The following KCNAB1 variants were observed in gnomAD, a reference collection of about 807,000 sequenced individuals.
KCNAB1 encodes the protein voltage-gated potassium channel subunit beta-1.
In KCNAB1, 35 loss-of-function variants were observed where a neutral mutation model predicts 64.6. The ratio of observed to expected loss-of-function variants is 0.54; its 90% CI spans 0.41 to 0.72. KCNAB1 has a LOEUF of 0.72. Among genes scored for constraint, KCNAB1 ranks in the 30% least tolerant of loss-of-function variants. KCNAB1 has a pLI of 0.00. For synonymous variants in KCNAB1, 177 were observed against 183.8 expected, an observed-to-expected ratio of 0.96 and a Z score of 0.30; for missense variants, 401 against 512.9, an observed-to-expected ratio of 0.78 and a Z score of 2.11.
chr3:156,435,984 T>G (rs1231899342), intron 2 of KCNAB1, among the ~76,000 whole-genome samples: 2 of 152,162 alleles, frequency 1.3e-5, no homozygotes, highest in Non-Finnish European at 2.9e-5. Flanking sequence ...TACATGCCTG[T>G]CCTGGTGGTT....
At chr3:156,312,905 A>C (rs1407227302) in intron 1 of KCNAB1, among the ~76,000 whole-genome samples, 3 of 152,086 alleles carry the variant, frequency 2.0e-5, no homozygotes, top group Non-Finnish European at 4.4e-5. Flanking sequence ...CTCTTCTGAC[A>C]GAAATGGCCA....
intron 1 of KCNAB1, among the ~76,000 whole-genome samples, chr3:156,147,186 G>A (rs556201910): frequency 5.1e-4 from 78 of 152,262 alleles, no homozygotes; most frequent in African/African-American, 1.9e-3. Flanking sequence ...ATTAAATTGT[G>A]AAGAGGGAAA....
At chr3:156,147,908 A>T (rs1220119321) in intron 1 of KCNAB1, among the ~76,000 whole-genome samples, 2 of 146,676 alleles carry the variant, frequency 1.4e-5, no homozygotes, top group African/African-American at 5.0e-5. Flanking sequence ...ATTTATTCCC[A>T]GCTCCCCAAC....
chr3:156,437,138 T>G (rs1451308343), intron 2 of KCNAB1, among the ~76,000 whole-genome samples: 1 of 152,210 alleles, frequency 6.6e-6, no homozygotes, highest in East Asian at 1.9e-4. Flanking sequence ...GCATGCAATT[T>G]ATATAAGCAG....
chr3:156,214,524 C>T (rs1229111420), intron 1 of KCNAB1, among the ~76,000 whole-genome samples: 1 of 152,112 alleles, frequency 6.6e-6, no homozygotes. Context: ...TGGAAAGACT[C>T]ATAAAAAATC....
chr3:156,350,925 G>A (rs554212690), intron 1 of KCNAB1, among the ~76,000 whole-genome samples: 35 of 152,384 alleles, frequency 2.3e-4, no homozygotes, highest in African/African-American at 8.4e-4. Context: ...TGCAGGGAGT[G>A]TGAGAGCAGG....
chr3:156,247,568 T>C (rs1560156719), intron 1 of KCNAB1, among the ~76,000 whole-genome samples: 1 of 152,268 alleles, frequency 6.6e-6, no homozygotes, highest in East Asian at 1.9e-4. Flanking sequence ...AGTATTTTTT[T>C]GCGGGGGAGA....
chr3:156,220,228 T>C (rs1715624388), intron 1 of KCNAB1, among the ~76,000 whole-genome samples: 1 of 152,224 alleles, frequency 6.6e-6, no homozygotes, highest in Non-Finnish European at 1.5e-5. Context: ...TTTGGGTATA[T>C]GCACAGTAAT....
At chr3:156,501,723 C>T (rs1373159130) in intron 8 of KCNAB1, among the ~76,000 whole-genome samples, 3 of 152,080 alleles carry the variant, frequency 2.0e-5, no homozygotes, top group African/African-American at 4.8e-5. Context: ...TGAGCCACTG[C>T]GCCCGGCCTG....
At chr3:156,354,079 A>G (rs371950982) in intron 1 of KCNAB1, among the ~76,000 whole-genome samples, 1,915 of 129,272 alleles carry the variant, frequency 0.015, 17 homozygotes, top group South Asian at 0.03. Context: ...GTGTGTATAT[A>G]TGTGTGTATA....
chr3:156,235,500 G>A (rs1186186678), intron 1 of KCNAB1, among the ~76,000 whole-genome samples: 5 of 152,098 alleles, frequency 3.3e-5, no homozygotes, highest in African/African-American at 1.2e-4. Flanking sequence ...GCTTCCCTGG[G>A]TGACAGTGTT....
chr3:156,371,338 A>G (rs537899589), intron 1 of KCNAB1, among the ~76,000 whole-genome samples: 12 of 152,260 alleles, frequency 7.9e-5, no homozygotes, highest in African/African-American at 2.9e-4. Flanking sequence ...TATGTGAAAA[A>G]GAAGCTACCA....
intron 1 of KCNAB1, among the ~76,000 whole-genome samples, chr3:156,239,774 A>T (rs9818040): frequency 0.74 from 112,096 of 152,094 alleles, 41,556 homozygotes; most frequent in East Asian, 0.9. Context: ...GTCCTTGGGA[A>T]AGGATGTAAG....
chr3:156,408,171 C>CA (rs368818109), intron 1 of KCNAB1, among the ~76,000 whole-genome samples: 17 of 152,088 alleles, frequency 1.1e-4, no homozygotes, highest in African/African-American at 4.1e-4. Context: ...TCTAGGCCTC[C>CA]AAAAATGGCC....
intron 12 of KCNAB1, among the ~76,000 whole-genome samples, chr3:156,531,098 A>T (rs1316538380): frequency 6.6e-6 from 1 of 152,186 alleles, no homozygotes; most frequent in Non-Finnish European, 1.5e-5. Context: ...AGCAAGAAAG[A>T]CAGCAGTGCA....
chr3:156,222,904 T>A (rs1326419578), intron 1 of KCNAB1, among the ~76,000 whole-genome samples: 1 of 152,160 alleles, frequency 6.6e-6, no homozygotes, highest in African/African-American at 2.4e-5. Context: ...ACAAAACCTA[T>A]CAAAACCTCT....
At position 156,377,026 on chromosome 3, in the gene KCNAB1, G is replaced by A. The variant is rs1255016825; in HGVS notation, c.276-44590G>A. ...ATTAACCATTGGTTTTCAGAATGAA[G>A]CAATTCACTTAAAATAAGGCAAGTT... On this transcript the variant is annotated intron_variant, in intron 1 of 13. Coordinates refer to ENST00000490337, the MANE Select transcript of KCNAB1 (RefSeq NM_172160.3). Among the ~76,000 whole-genome samples, 4 of 152,122 alleles carry A rather than the reference G, an allele frequency of 2.6e-5. No individual in the cohort carries two copies. In the East Asian group the frequency reaches 7.7e-4, roughly 29 times the overall value.
chr3:156,191,362 A>T (rs1713549482), intron 1 of KCNAB1, among the ~76,000 whole-genome samples: 1 of 152,260 alleles, frequency 6.6e-6, no homozygotes, highest in African/African-American at 2.4e-5. Flanking sequence ...TTTGCTTTAC[A>T]GAACATTAGC....
intron 1 of KCNAB1, among the ~76,000 whole-genome samples, chr3:156,341,795 AAATAAT>A (rs1188817657): frequency 6.6e-6 from 1 of 152,220 alleles, no homozygotes; most frequent in East Asian, 1.9e-4. Context: ...TAGTTTCACA[AAATAAT>A]AATTATCTTT....
Sources: allele counts gnomAD v4.1 joint callset (sites outside exome capture counted in the v4.1 genomes callset), GRCh38; gene constraint gnomAD v4.1.1; transcripts MANE v1.5; gene names NCBI Gene and HGNC (gene_info 2026-07-23, HGNC 2026-07-21).